The following KIF19 variants were observed in gnomAD, a reference collection of about 807,000 sequenced individuals.
KIF19 encodes kinesin-like protein KIF19.
Under a neutral mutation model 106.6 loss-of-function variants are expected in KIF19, and 98 were observed. The ratio of observed to expected loss-of-function variants is 0.92; its 90% CI spans 0.78 to 1.09. The LOEUF is 1.09. KIF19 is among the 50% of genes least tolerant of loss of function. The probability of loss-of-function intolerance (pLI) is 0.00; values close to 1 mark genes in which losing one functional copy is unlikely to be tolerated. For missense variants in KIF19, 1,373 were observed against 1,414.3 expected (o/e 0.97, Z 0.47); for synonymous variants, 516 against 584.2 (o/e 0.88, Z 1.68).
rs1476666424 is a variant in KIF19 at position 74,347,897 on chromosome 17, A to C, written c.1045A>C (p.Arg349=). ...CGGCCGGGCCAAGAACATTAAGACT[A>C]GGGTGAGGGCCCCTGGACCGTCCAC... ...YAGRAKNIKT[R]VKQNLLNVSY... The change falls in exon 9 of 20, where the codon AGG becomes CGG. Residue 349 remains arginine (R), a splice_region_variant and synonymous_variant. Coordinates refer to ENST00000389916, the MANE Select transcript of KIF19 (RefSeq NM_153209.4). 2 of 1,580,088 alleles carry C rather than the reference A, an allele frequency of 1.3e-6. No individual in the cohort carries two copies. Among genetic ancestry groups the C allele is most frequent in the East Asian group, 4.7e-5 (2 of 42,994 alleles).
intron 14 of KIF19, 42 bp downstream of exon 14, chr17:74,352,382 C>A: frequency 1.3e-6 from 2 of 1,572,526 alleles, no homozygotes. Flanking sequence ...GCACATGTGC[C>A]CAGGGAGGGG....
rs748098332 is a variant in KIF19 at position 74,342,710 on chromosome 17, C to T, written c.312C>T (p.Gly104=). Residue 104 remains glycine, a synonymous_variant, in exon 4 of 20, where the codon GGC becomes GGT. Coordinates refer to ENST00000389916, the MANE Select transcript of KIF19 (RefSeq NM_153209.4). ...ACAATGCCACTGTCTTTGCCTATGG[C>T]CCCACAGGTAAGGGGAATGCCCAGA... ...SGYNATVFAY[G]PTGCGKTYTM... 6.2e-7 allele frequency: 1 copy of T among 1,613,194 alleles called. No homozygotes were observed. Among genetic ancestry groups the T allele is most frequent in the African/African-American group, 1.3e-5 (1 of 74,906 alleles).
intron 2 of KIF19, among the ~76,000 whole-genome samples, chr17:74,339,206 G>A (rs912252026): frequency 1.3e-5 from 2 of 151,922 alleles, no homozygotes; most frequent in African/African-American, 4.8e-5. Context: ...AAGGCCCCTC[G>A]TGGGAGTAGG....
chr17:74,338,868 C>G lies in KIF19; in HGVS notation c.121-3008C>G, dbSNP rs138256676. On this transcript the variant is annotated intron_variant, in intron 2 of 19. Transcript: ENST00000389916. ...CTCACAGCTCTGCTGCCTGCTGCCC[C>G]CTCACCAGCCTCTCCTCACCCCAGA... Among the ~76,000 whole-genome samples the G allele has an allele frequency of 1.8e-3, 267 of 152,024 alleles. 2 individuals are homozygous for G. The highest frequency in any genetic ancestry group is 6.0e-3 in the African/African-American group (251 of 41,536).
chr17:74,349,136 G>T, intron 9 of KIF19, 48 bp from the exon 10 acceptor site: 2 of 1,607,178 alleles, frequency 1.2e-6, no homozygotes, highest in African/African-American at 1.3e-5. Context: ...CTCGGTGAGT[G>T]CACCTGGGGT....
Position 74,349,316 on chromosome 17 carries a change from C to T in KIF19, c.1180C>T (p.Arg394Trp), listed in dbSNP as rs779477984. Residue 394 changes from arginine (R) to tryptophan (W), a missense_variant, in exon 10 of 20, where the codon CGG becomes TGG. Around this residue, in one of 3 missense-constraint regions of KIF19, gnomAD observed 1,020 missense variants for 1,008.2 expected, o/e 1.01. Transcript: ENST00000389916. ...EQTGRGQARG[R>W]QDRGDIRHIQ... is the part of the protein sequence containing the mutation. ...GACTGGGCGGGGCCAGGCCCGGGGCCGGCAGGATCGGGGTGACATCCGCCA... is the reference window on the plus strand; with the variant it reads ...GACTGGGCGGGGCCAGGCCCGGGGCTGGCAGGATCGGGGTGACATCCGCCA... The T allele has an allele frequency of 2.3e-5, 37 of 1,607,574 alleles. No individual in the cohort carries two copies. Among genetic ancestry groups the T allele is most frequent in the Admixed American group, 2.2e-4 (13 of 59,410 alleles).
chr17:74,342,808 A>T (rs551276245), intron 4 of KIF19, 91 bp downstream of exon 4: 1 of 1,352,058 alleles, frequency 7.4e-7, no homozygotes, highest in South Asian at 1.2e-5. Flanking sequence ...CTGGAGCAGG[A>T]ATCCAGGATG....
rs2054485102 is a variant in KIF19 at position 74,344,792 on chromosome 17, A to T, written c.614A>T (p.Gln205Leu). The stretch of plus-strand genomic sequence containing the variant: ...CAGCTGCTGATGAAGGGGAACCGGC[A>T]GAGGACCCAGGAGCCCACGGCCGCC... ...IMQLLMKGNR[Q>L]RTQEPTAANQ... The change falls in exon 7 of 20, where the codon CAG becomes CTG. Residue 205 changes from glutamine (Q) to leucine (L), a missense_variant. Around this residue, in one of 3 missense-constraint regions of KIF19, gnomAD observed 348 missense variants for 389.5 expected, o/e 0.89. Coordinates refer to ENST00000389916, the MANE Select transcript of KIF19 (RefSeq NM_153209.4). 1.2e-6 allele frequency: 2 copies of T among 1,610,432 alleles called. No individual in the cohort carries two copies. The highest frequency in any genetic ancestry group is 1.3e-5 in the African/African-American group (1 of 74,910).
Position 74,351,934 on chromosome 17 carries a change from G to A in KIF19, c.1655G>A (p.Arg552Gln), listed in dbSNP as rs576803871. The A allele has an allele frequency of 9.6e-6, 14 of 1,453,066 alleles. No individual in the cohort carries two copies. The East Asian group carries it at 3.8e-4, about 39-fold the overall frequency. The allele number at this position is 1,453,066 out of a possible 1,614,324, so 90.0% of individuals were successfully genotyped here. The change falls in exon 13 of 20, where the codon CGG (arginine) becomes CAG (glutamine). Residue 552 changes from arginine to glutamine, a missense_variant. This residue lies in a region of KIF19 where 1,020 missense variants were observed against 1,008.2 expected (regional missense o/e 1.01). Transcript: ENST00000389916. ...RGRRLEETLPRRIGSEEQREV... is the reference protein window; with the variant it reads ...RGRRLEETLPQRIGSEEQREV... ...CGGCGCCTGGAGGAGACGCTGCCGC[G>A]GCGCATCGGCTCCGAGGAGCAGCGC...
rs1465651494 is a variant in KIF19, at chr17:74,350,495, G to T, written c.1308G>T (p.Val436=). 6.2e-7 allele frequency: 1 copy of T among 1,612,412 alleles called. No homozygotes were observed. Among genetic ancestry groups the T allele is most frequent in the Non-Finnish European group, 8.5e-7 (1 of 1,179,714 alleles). ...LASAFQEQMD[V]RRRLLELENR... ...GCGCCTTCCAGGAGCAGATGGATGT[G>T]CGGAGGCGCCTGCTGGAGCTGGAGA... Residue 436 remains valine (V), a synonymous_variant, in exon 11 of 20, where the codon GTG becomes GTT. Coordinates refer to ENST00000389916, the MANE Select transcript of KIF19 (RefSeq NM_153209.4).
intron 4 of KIF19, 38 bp from the exon 5 acceptor site, chr17:74,342,986 G>A: frequency 1.1e-5 from 11 of 1,046,888 alleles, no homozygotes; most frequent in African/African-American, 1.6e-5. Context: ...CTCCCTCCCA[G>A]CCCCACCCCG....
At chr17:74,328,681 G>C in intron 2 of KIF19, 176 bp downstream of exon 2, 1 of 575,926 alleles carries the variant, frequency 1.7e-6, no homozygotes, top group African/African-American at 1.9e-5. Flanking sequence ...TCTTCTTCCA[G>C]GAAGCCTTCC....
At chr17:74,336,016 A>G (rs2100896) in intron 2 of KIF19, among the ~76,000 whole-genome samples, 85,427 of 152,104 alleles carry the variant, frequency 0.56, 24,567 homozygotes, top group African/African-American at 0.67. Flanking sequence ...GAAGTCCACA[A>G]TCAACATGGC....
intron 3 of KIF19, 52 bp from the exon 4 acceptor site, chr17:74,342,578 T>A: frequency 7.0e-7 from 1 of 1,419,510 alleles, no homozygotes; most frequent in Non-Finnish European, 1.0e-6. Flanking sequence ...AGTGGGTGCC[T>A]GTGCTGTGCC....
Position 74,331,495 on chromosome 17 carries a change from G to A in KIF19, c.120+2990G>A, listed in dbSNP as rs766603860. On this transcript the variant is annotated intron_variant, in intron 2 of 19. Coordinates refer to ENST00000389916, the MANE Select transcript of KIF19 (RefSeq NM_153209.4). The surrounding 1 kb of genome is among the most constrained non-coding windows in gnomAD (Gnocchi z 4.1). ...ATTGTGGCAACGAGGCTTGGCAGAA[G>A]GGGACATTCCCACAGGCGGAGAGTC... is the stretch of plus-strand genomic sequence containing the variant. Among the ~76,000 whole-genome samples, 1 of 152,136 alleles carries A rather than the reference G, an allele frequency of 6.6e-6. No individual in the cohort carries two copies. The highest frequency in any genetic ancestry group is 1.5e-5 in the Non-Finnish European group (1 of 68,036).
In KIF19 at chr17:74,343,040, C is replaced by T. The variant is rs2054428691; in HGVS notation, c.336C>T (p.Tyr112=). The change falls in exon 5 of 20, where the codon TAC becomes TAT. Residue 112 remains tyrosine, a synonymous_variant. Coordinates refer to ENST00000389916, the MANE Select transcript of KIF19 (RefSeq NM_153209.4). Reference sequence around the variant, plus strand: ...CTGCCCCAGGCTGTGGGAAAACCTACACCATGCTGGGCACAGACCAGGAGC... The same window carrying T: ...CTGCCCCAGGCTGTGGGAAAACCTATACCATGCTGGGCACAGACCAGGAGC... ...AYGPTGCGKT[Y]TMLGTDQEPG... is the part of the protein sequence containing the mutation. 8 of 1,606,436 alleles carry T rather than the reference C, an allele frequency of 5.0e-6. No individual in the cohort carries two copies. The highest frequency in any genetic ancestry group is 1.3e-5 in the African/African-American group (1 of 74,838).
At chr17:74,338,440 C>A (rs1030713307) in intron 2 of KIF19, among the ~76,000 whole-genome samples, 1 of 151,986 alleles carries the variant, frequency 6.6e-6, no homozygotes, top group African/African-American at 2.4e-5. Flanking sequence ...TCATTCTTTT[C>A]CCCGCACAAA....
rs570572769 is a variant in KIF19, at chr17:74,354,902, C to T, written c.2827C>T (p.Pro943Ser). The T allele has an allele frequency of 1.9e-6, 3 of 1,573,924 alleles. No individual in the cohort carries two copies. The highest frequency in any genetic ancestry group is 2.6e-6 in the Non-Finnish European group (3 of 1,160,046). Residue 943 changes from proline to serine, a missense_variant, in exon 19 of 20, where the codon CCT becomes TCT. Physicochemically the swap from Pro to Ser is moderately conservative, Grantham distance 74. Coordinates refer to ENST00000389916, the MANE Select transcript of KIF19 (RefSeq NM_153209.4). ...CCGGCATCTGGGAAAGGTCACGCTA[C>T]CTTTGGCCAAAGTCAAACTCCCTCC... ...GIRHLGKVTL[P>S]LAKVKLPPSQ... is the part of the protein sequence containing the mutation.
rs1298357663 is a variant in KIF19, at chr17:74,352,531, C to T, written c.1980+191C>T. The stretch of plus-strand genomic sequence containing the variant: ...TGAGTAAGACCCTCCTCCTTGGGCA[C>T]TCCTGGGCATCACTTGCTCCCACCC... On this transcript the variant is annotated intron_variant, in intron 14 of 19. Transcript: ENST00000389916. 5.3e-5 allele frequency among the ~76,000 whole-genome samples: 8 copies of T among 152,296 alleles called. No homozygotes were observed. In the East Asian group the frequency reaches 1.4e-3, roughly 26 times the overall value.
Sources: allele counts gnomAD v4.1 joint callset (sites outside exome capture counted in the v4.1 genomes callset), GRCh38; gene constraint gnomAD v4.1.1; regional missense constraint gnomAD v4.1.1; non-coding constraint Gnocchi (gnomAD v3.1); transcripts MANE v1.5; gene names NCBI Gene and HGNC (gene_info 2026-07-23, HGNC 2026-07-21).